PPOX: variants seen among roughly 807,000 people sequenced by gnomAD.
PPOX encodes protoporphyrinogen oxidase, also known as variegate porphyria.
PPOX carries 23 observed loss-of-function variants against 54.1 expected under a neutral mutation model. The observed-to-expected ratio is 0.43, with a 90% confidence interval of 0.31 to 0.60. The LOEUF is 0.60. Ranked by LOEUF, PPOX falls within the 20% of genes least tolerant of loss-of-function variation. The probability of loss-of-function intolerance (pLI) is 0.13; values close to 1 mark genes in which losing one functional copy is unlikely to be tolerated. For missense variants in PPOX, 512 were observed against 601.1 expected (o/e 0.85, Z 1.55); for synonymous variants, 224 against 236.1 (o/e 0.95, Z 0.47).
chr1:161,176,638 G>C lies in PPOX; in HGVS notation c.373-211G>C, dbSNP rs1410064766. 37 of 585,090 alleles carry C rather than the reference G, an allele frequency of 6.3e-5. 1 individual carries two copies. The highest frequency in any genetic ancestry group is 1.5e-5 in the Non-Finnish European group (5 of 328,152). The allele number at this position is 585,090 out of a possible 1,614,324, so 36.2% of individuals were successfully genotyped here. ...CTGCACCGCCAGAGATCAGGATCAG[G>C]GTGAAGCTGGTTTCCCAGCAGGCGA... On this transcript the variant is annotated intron_variant, in intron 4 of 4. Transcript: ENST00000497522.
chr1:161,176,066 G>A (rs369403728), downstream of PPOX: 91 of 1,613,838 alleles, frequency 5.6e-5, no homozygotes, highest in Non-Finnish European at 7.3e-5. Flanking sequence ...AACATCCTGG[G>A]GGTGAGATCT....
At chr1:161,168,955 C>G (rs369589734) in intron 6 of PPOX, 38 bp from the exon 7 acceptor site, 1 of 1,609,730 alleles carries the variant, frequency 6.2e-7, no homozygotes, top group Admixed American at 1.7e-5. Flanking sequence ...TGAGCCACTG[C>G]ATCCAGCCTC....
chr1:161,170,320 G>GGGGGGGGCC, intron 9 of PPOX, 89 bp from the exon 10 acceptor site: 7 of 494,784 alleles, frequency 1.4e-5, no homozygotes, highest in African/African-American at 2.0e-5. Context: ...GTGAGACTCT[G>GGGGGGGGCC]TCCCCCCCAC....
At chr1:161,175,104 G>C, downstream of PPOX, 1 of 1,614,010 alleles carries the variant, frequency 6.2e-7, no homozygotes, top group South Asian at 1.1e-5. Context: ...GCACAATGAT[G>C]GCTGTTCGGG....
chr1:161,172,440 GA>G (rs34878968), downstream of PPOX: 205,059 of 839,808 alleles, frequency 0.24, 28,114 homozygotes, highest in East Asian at 0.4. Context: ...GTAGGCAAAA[GA>G]AAAAAAAAGC....
chr1:161,167,143 G>A lies in PPOX; in HGVS notation c.131G>A (p.Arg44His). The stretch of plus-strand genomic sequence containing the variant: ...AGTGAGCGTCTGGGAGGCTGGATTC[G>A]CTCCGTTCGAGGCCCTAATGGTGCT... ...ESSERLGGWI[R>H]SVRGPNGAIF... Residue 44 changes from arginine (R) to histidine (H), a missense_variant, in exon 3 of 13, where the codon CGC (arginine) becomes CAC (histidine). Physicochemically the swap from Arg to His is conservative, Grantham distance 29. Coordinates refer to ENST00000367999, the MANE Select transcript of PPOX (RefSeq NM_001122764.3). 6.2e-7 allele frequency: 1 copy of A among 1,614,176 alleles called. No homozygotes were observed. The highest frequency in any genetic ancestry group is 1.1e-5 in the South Asian group (1 of 91,078).
At chr1:161,171,949 C>A (rs768971975), downstream of PPOX, 5 of 1,614,066 alleles carry the variant, frequency 3.1e-6, no homozygotes, top group Non-Finnish European at 4.2e-6. Context: ...AGAAGGAGCC[C>A]GAGGACCCCG....
chr1:161,167,355 G>C lies in PPOX; in HGVS notation c.223-16G>C. ...TTCCCTTAGTTTCTCCTCTTCTGAG[G>C]GCATGTGGAGAGCAGGTTTCTGAGC... On this transcript the variant is annotated splice_polypyrimidine_tract_variant and intron_variant, in intron 3 of 12. Coordinates refer to ENST00000367999, the MANE Select transcript of PPOX (RefSeq NM_001122764.3). The C allele has an allele frequency of 6.2e-7, 1 of 1,613,944 alleles. No homozygotes were observed. Among genetic ancestry groups the C allele is most frequent in the Non-Finnish European group, 8.5e-7 (1 of 1,179,990 alleles).
In PPOX at chr1:161,170,938, G is replaced by T; in HGVS notation, c.1280G>T (p.Trp427Leu). 6.2e-7 allele frequency: 1 copy of T among 1,614,064 alleles called. No individual in the cohort carries two copies. Among genetic ancestry groups the T allele is most frequent in the Middle Eastern group, 1.6e-4 (1 of 6,062 alleles). ...ATTCCCCAGTATACACTAGGTCACT[G>T]GCAAAAACTAGGTAAGTTGGGAAAA... ...NCIPQYTLGHWQKLESARQFL... is the reference protein window; with the variant it reads ...NCIPQYTLGHLQKLESARQFL... Residue 427 changes from tryptophan to leucine, a missense_variant, in exon 12 of 13, where the codon TGG becomes TTG. Coordinates refer to ENST00000367999, the MANE Select transcript of PPOX (RefSeq NM_001122764.3).
chr1:161,166,021 C>G, upstream of PPOX: 1 of 930,572 alleles, frequency 1.1e-6, no homozygotes, highest in Non-Finnish European at 1.3e-6. Context: ...GCCGGGCGGC[C>G]CTAGCTCCCG....
rs1374751337 is a variant in PPOX, at chr1:161,167,174, T to C, written c.162T>C (p.Phe54=). Residue 54 remains phenylalanine, a synonymous_variant, in exon 3 of 13, where the codon TTT becomes TTC. Transcript: ENST00000367999. ...TTCGAGGCCCTAATGGTGCTATCTT[T>C]GAGCTTGGACCTCGGGGAATTAGGC... ...RSVRGPNGAI[F]ELGPRGIRPA... is the part of the protein sequence containing the mutation. 6.2e-7 allele frequency: 1 copy of C among 1,614,208 alleles called. No homozygotes were observed. The highest frequency in any genetic ancestry group is 8.5e-7 in the Non-Finnish European group (1 of 1,180,042).
chr1:161,166,125 C>G (rs1045397545), upstream of PPOX: 7 of 985,264 alleles, frequency 7.1e-6, no homozygotes, highest in Non-Finnish European at 8.4e-6. Flanking sequence ...TCCCTACGAC[C>G]AAAGCTCCTG....
downstream of PPOX, chr1:161,173,998 C>T: frequency 1.2e-6 from 2 of 1,614,178 alleles, no homozygotes; most frequent in Non-Finnish European, 1.7e-6. Flanking sequence ...CGCAGGGCCT[C>T]TCGCACCCCA....
intron 9 of PPOX, 88 bp from the exon 10 acceptor site, chr1:161,170,321 T>TGGGGGGGCG: frequency 2.7e-6 from 1 of 367,766 alleles, no homozygotes; most frequent in Non-Finnish European, 5.3e-6. Flanking sequence ...TGAGACTCTG[T>TGGGGGGGCG]CCCCCCCACC....
chr1:161,174,850 C>T, downstream of PPOX: 5 of 797,344 alleles, frequency 6.3e-6, no homozygotes, highest in African/African-American at 1.8e-5. Flanking sequence ...GTTGGAAGAG[C>T]AGTGCCGGGT....
At position 161,170,628 on chromosome 1, in the gene PPOX, G is replaced by A. The variant is rs756580371; in HGVS notation, c.1107G>A (p.Leu369=). 1.9e-6 allele frequency: 3 copies of A among 1,614,170 alleles called. No homozygotes were observed. The highest frequency in any genetic ancestry group is 2.2e-5 in the East Asian group (1 of 44,872). Residue 369 remains leucine (L), a synonymous_variant, in exon 11 of 13, where the codon CTG becomes CTA. Transcript: ENST00000367999. ...CTATATTCCCTCCTTAGGTGATGCT[G>A]GGAGGTTCCTGGTTACAGACACTGG... ...SPPGLRVTVM[L]GGSWLQTLEA... is the part of the protein sequence containing the mutation.
At chr1:161,176,136 A>T, downstream of PPOX, 1 of 1,567,604 alleles carries the variant, frequency 6.4e-7, no homozygotes, top group Non-Finnish European at 8.7e-7. Flanking sequence ...CAGAGAGGTC[A>T]GTAGGTAGGG....
At chr1:161,175,665 T>C (rs1663225559), downstream of PPOX, 7 of 1,277,212 alleles carry the variant, frequency 5.5e-6, no homozygotes, top group Non-Finnish European at 7.6e-6. Context: ...CAGCCCTCTA[T>C]CTCAACCTCA....
At chr1:161,172,440 G>GA (rs34878968), downstream of PPOX, 720 of 839,004 alleles carry the variant, frequency 8.6e-4, no homozygotes, top group Non-Finnish European at 9.8e-4. Context: ...GTAGGCAAAA[G>GA]AAAAAAAAAG....
Sources: allele counts gnomAD v4.1 joint callset, GRCh38; gene constraint gnomAD v4.1.1; transcripts MANE v1.5; gene names NCBI Gene and HGNC (gene_info 2026-07-23, HGNC 2026-07-21).